The following TPST1 variants were observed in gnomAD, a reference collection of about 807,000 sequenced individuals.
TPST1 encodes the protein protein-tyrosine sulfotransferase 1.
In TPST1, 20 loss-of-function variants were observed where a neutral mutation model predicts 34.8. The ratio of observed to expected loss-of-function variants is 0.57; its 90% CI spans 0.40 to 0.84. TPST1 has a LOEUF of 0.84. Ranked by LOEUF, TPST1 falls within the 40% of genes least tolerant of loss-of-function variation. The probability of loss-of-function intolerance (pLI) is 0.00; values close to 1 mark genes in which losing one functional copy is unlikely to be tolerated. For synonymous variants in TPST1, 152 were observed against 159.4 expected, an observed-to-expected ratio of 0.95 and a Z score of 0.35; for missense variants, 353 against 455.5, an observed-to-expected ratio of 0.78 and a Z score of 2.05.
chr7:66,223,458 C>CA (rs34400889), intron 1 of TPST1, among the ~76,000 whole-genome samples: 17,319 of 58,064 alleles, frequency 0.3, 2,467 homozygotes, highest in East Asian at 0.43. Context: ...GACCCTGTCT[C>CA]AAAAAAAAAA....
chr7:66,281,188 G>A (rs1347074676), intron 2 of TPST1, among the ~76,000 whole-genome samples: 1 of 152,148 alleles, frequency 6.6e-6, no homozygotes, highest in Non-Finnish European at 1.5e-5. Context: ...CTACTTGATT[G>A]TGGTGGATTA....
At chr7:66,246,552 A>G (rs1790154260) in intron 2 of TPST1, among the ~76,000 whole-genome samples, 1 of 152,248 alleles carries the variant, frequency 6.6e-6, no homozygotes, top group Admixed American at 6.5e-5. Context: ...TTCTTGGAGA[A>G]TATAGCAATT....
chr7:66,336,176 G>A (rs1269141699), intron 3 of TPST1, among the ~76,000 whole-genome samples: 1 of 152,138 alleles, frequency 6.6e-6, no homozygotes, highest in Non-Finnish European at 1.5e-5. Flanking sequence ...AGGGCCTGGT[G>A]GTGGGCACCT....
At chr7:66,223,991 G>T (rs568489854) in intron 1 of TPST1, among the ~76,000 whole-genome samples, 1 of 152,262 alleles carries the variant, frequency 6.6e-6, no homozygotes, top group African/African-American at 2.4e-5. Context: ...GGGTTTTTTT[G>T]AAGTTCACTG....
intron 1 of TPST1, among the ~76,000 whole-genome samples, chr7:66,227,505 G>A (rs991567482): frequency 2.6e-5 from 4 of 151,850 alleles, no homozygotes; most frequent in Non-Finnish European, 5.9e-5. Flanking sequence ...TCACTGCAGC[G>A]TCGACCTCCT....
intron 3 of TPST1, among the ~76,000 whole-genome samples, chr7:66,326,619 G>A (rs1220597612): frequency 1.3e-5 from 2 of 152,150 alleles, no homozygotes; most frequent in Admixed American, 1.3e-4. Flanking sequence ...GGAAATCAAT[G>A]CCTTAATGCT....
At chr7:66,354,854 G>A (rs1230008805) in intron 4 of TPST1, among the ~76,000 whole-genome samples, 1 of 151,948 alleles carries the variant, frequency 6.6e-6, no homozygotes, top group African/African-American at 2.4e-5. Context: ...AAATTAGCTG[G>A]GTGTGGTGCA....
At chr7:66,303,327 G>C (rs1183335896) in intron 3 of TPST1, among the ~76,000 whole-genome samples, 1 of 151,686 alleles carries the variant, frequency 6.6e-6, no homozygotes, top group African/African-American at 2.4e-5. Flanking sequence ...AATGATATGG[G>C]AGCATCTCTT....
intron 3 of TPST1, among the ~76,000 whole-genome samples, chr7:66,338,080 G>A (rs764917296): frequency 6.6e-6 from 1 of 152,122 alleles, no homozygotes; most frequent in African/African-American, 2.4e-5. Flanking sequence ...TCCATATGCT[G>A]GCTACAAGAA....
chr7:66,238,678 T>C (rs796944827), intron 1 of TPST1, among the ~76,000 whole-genome samples: 8 of 152,342 alleles, frequency 5.3e-5, no homozygotes, highest in African/African-American at 1.9e-4. Context: ...AATCTGTTGA[T>C]TTAAGTGTTA....
intron 1 of TPST1, among the ~76,000 whole-genome samples, chr7:66,208,428 A>G (rs761663632): frequency 3.3e-5 from 5 of 150,954 alleles, no homozygotes; most frequent in African/African-American, 4.9e-5. Flanking sequence ...TTTCCACAGC[A>G]CCCTGTACAT....
In TPST1 at chr7:66,241,265, G is replaced by T; in HGVS notation, c.840G>T (p.Leu280=). ...EMIGKAGGVS[L]SKVERSTDQV... ...TTGGGAAAGCTGGGGGAGTGTCTCTGTCAAAGTGAGTAGAAGATACGTTTT... is the reference window on the plus strand; with the variant it reads ...TTGGGAAAGCTGGGGGAGTGTCTCTTTCAAAGTGAGTAGAAGATACGTTTT... Residue 280 remains leucine, a synonymous_variant, in exon 2 of 6, where the codon CTG becomes CTT. Transcript: ENST00000304842. 2 of 1,603,850 alleles carry T rather than the reference G, an allele frequency of 1.2e-6. No individual in the cohort carries two copies. Among genetic ancestry groups the T allele is most frequent in the Non-Finnish European group, 1.7e-6 (2 of 1,175,294 alleles).
chr7:66,261,259 G>A (rs1244630594), intron 2 of TPST1, among the ~76,000 whole-genome samples: 2 of 123,160 alleles, frequency 1.6e-5, no homozygotes, highest in African/African-American at 3.3e-5. Flanking sequence ...TGGTTCTTTC[G>A]GGTTGGATTA....
At chr7:66,356,975 A>G in intron 5 of TPST1, 104 bp downstream of exon 5, 1 of 1,131,590 alleles carries the variant, frequency 8.8e-7, no homozygotes, top group Admixed American at 2.1e-5. Context: ...TCCGTCTGCC[A>G]GGGTTGGAAT....
At chr7:66,237,848 C>A (rs1179982548) in intron 1 of TPST1, among the ~76,000 whole-genome samples, 3 of 152,102 alleles carry the variant, frequency 2.0e-5, no homozygotes, top group Non-Finnish European at 4.4e-5. Context: ...CAGTCTTGTT[C>A]CCGGACCAAA....
chr7:66,203,001 G>T (rs543809063), upstream of TPST1, among the ~76,000 whole-genome samples: 1 of 152,058 alleles, frequency 6.6e-6, no homozygotes, highest in Admixed American at 6.5e-5. Flanking sequence ...ACTTGAACTC[G>T]GGAGGCGGAG....
chr7:66,300,871 G>A (rs1357939079), intron 3 of TPST1, among the ~76,000 whole-genome samples: 1 of 151,968 alleles, frequency 6.6e-6, no homozygotes, highest in African/African-American at 2.4e-5. Context: ...GCTTGAACCG[G>A]GGAGGGAGAG....
chr7:66,352,293 C>T (rs1792495277), intron 3 of TPST1, among the ~76,000 whole-genome samples: 1 of 152,182 alleles, frequency 6.6e-6, no homozygotes, highest in Non-Finnish European at 1.5e-5. Flanking sequence ...TTTGTGAGCA[C>T]TCGGTAAACA....
At chr7:66,337,889 A>G (rs568471903) in intron 3 of TPST1, among the ~76,000 whole-genome samples, 2 of 152,322 alleles carry the variant, frequency 1.3e-5, no homozygotes, top group East Asian at 3.9e-4. Context: ...TGCTAGAGAA[A>G]ATCACTTACC....
Sources: allele counts gnomAD v4.1 joint callset (sites outside exome capture counted in the v4.1 genomes callset), GRCh38; gene constraint gnomAD v4.1.1; transcripts MANE v1.5; gene names NCBI Gene and HGNC (gene_info 2026-07-23, HGNC 2026-07-21).